The following PDE4B variants were observed in gnomAD, a reference collection of about 807,000 sequenced individuals.
PDE4B encodes the protein phosphodiesterase 4B.
Under a neutral mutation model 82.2 loss-of-function variants are expected in PDE4B, and 20 were observed. The ratio of observed to expected loss-of-function variants is 0.24; its 90% confidence interval spans 0.17 to 0.35. The LOEUF is 0.35. PDE4B is among the 10% of genes least tolerant of loss of function. The pLI, the probability that PDE4B is intolerant of heterozygous loss-of-function variation, is 1.00. For synonymous variants in PDE4B, 320 were observed against 318.9 expected (o/e 1.00, Z -0.04); for missense variants, 655 against 907.2 (o/e 0.72, Z 3.57).
intron 7 of PDE4B, among the ~76,000 whole-genome samples, chr1:66,277,975 A>G (rs578023679): frequency 6.6e-6 from 1 of 152,378 alleles, no homozygotes; most frequent in East Asian, 1.9e-4. Flanking sequence ...AACCTTCTGC[A>G]TAGAATTGTT....
At chr1:66,303,890 A>G (rs546796661) in intron 7 of PDE4B, among the ~76,000 whole-genome samples, 3 of 152,248 alleles carry the variant, frequency 2.0e-5, no homozygotes, top group African/African-American at 7.2e-5. Context: ...CAGTTTTGGG[A>G]AGAGACTTGA....
In PDE4B at chr1:65,922,990, A is replaced by G. The variant is rs145070779; in HGVS notation, c.281+4155A>G. ...CCCAATATTGACCACTGCCCTTTTG[A>G]GTATTCCCCCCAACCCCCTCCCCCA... On this transcript the variant is annotated intron_variant, in intron 3 of 16. Transcript: ENST00000341517. Among the ~76,000 whole-genome samples, 453 of 152,192 alleles carry G rather than the reference A, an allele frequency of 3.0e-3. 1 individual carries two copies. The highest frequency in any genetic ancestry group is 0.01 in the African/African-American group (418 of 41,526).
intron 7 of PDE4B, among the ~76,000 whole-genome samples, chr1:66,300,043 AAC>A (rs1243281211): frequency 4.6e-5 from 7 of 152,218 alleles, no homozygotes; most frequent in Admixed American, 6.5e-5. Context: ...CTATTGCACA[AAC>A]ACAGACATCT....
chr1:66,251,700 A>G (rs537177098), intron 4 of PDE4B, among the ~76,000 whole-genome samples: 5 of 152,250 alleles, frequency 3.3e-5, no homozygotes, highest in Admixed American at 2.6e-4. Context: ...CAGGCAGAGG[A>G]AGTGCAGGAG....
intron 3 of PDE4B, among the ~76,000 whole-genome samples, chr1:66,217,256 A>T (rs545305102): frequency 6.6e-6 from 1 of 152,206 alleles, no homozygotes; most frequent in South Asian, 2.1e-4. Context: ...AAGAAAAAAA[A>T]GTACATCTGG....
At chr1:66,292,561 C>T (rs1289111369) in intron 7 of PDE4B, among the ~76,000 whole-genome samples, 1 of 152,118 alleles carries the variant, frequency 6.6e-6, no homozygotes, top group Admixed American at 6.6e-5. Context: ...CAGAATAATG[C>T]ATATAAAGCA....
chr1:66,080,444 A>T (rs1486249902), intron 3 of PDE4B, among the ~76,000 whole-genome samples: 1 of 152,172 alleles, frequency 6.6e-6, no homozygotes, highest in Non-Finnish European at 1.5e-5. Context: ...GAAAAAAGGG[A>T]AAAGAAGAGA....
intron 7 of PDE4B, among the ~76,000 whole-genome samples, chr1:66,311,999 G>T (rs894042495): frequency 1.3e-5 from 2 of 152,208 alleles, no homozygotes; most frequent in African/African-American, 4.8e-5. Context: ...AACCTCTAGA[G>T]AAACACGGAT....
chr1:66,201,703 A>AT (rs201191253), intron 3 of PDE4B, among the ~76,000 whole-genome samples: 69,599 of 150,776 alleles, frequency 0.46, 16,257 homozygotes, highest in African/African-American at 0.53. Context: ...CCCCTTTGTC[A>AT]TTTTTTATTG....
intron 1 of PDE4B, among the ~76,000 whole-genome samples, chr1:65,847,463 G>A (rs1360703467): frequency 1.3e-5 from 2 of 152,216 alleles, no homozygotes; most frequent in African/African-American, 4.8e-5. Flanking sequence ...CAGATTGGAT[G>A]GCTGTGGCCT....
At chr1:66,354,319 C>A (rs2102000533) in intron 8 of PDE4B, 3 of 850,570 alleles carry the variant, frequency 3.5e-6, no homozygotes, top group South Asian at 1.1e-4. Flanking sequence ...TTAAGGAACA[C>A]CTAGTTGAAA....
chr1:66,156,248 T>C (rs1646498902), intron 3 of PDE4B, among the ~76,000 whole-genome samples: 1 of 152,200 alleles, frequency 6.6e-6, no homozygotes, highest in African/African-American at 2.4e-5. Context: ...ATGAACAATT[T>C]AATCCTTTTT....
chr1:66,180,352 A>G (rs1201508579), intron 3 of PDE4B, among the ~76,000 whole-genome samples: 2 of 152,236 alleles, frequency 1.3e-5, no homozygotes, highest in African/African-American at 4.8e-5. Flanking sequence ...TAGAATGTGA[A>G]TCAAGCTACG....
intron 1 of PDE4B, among the ~76,000 whole-genome samples, chr1:65,875,124 T>G (rs1049426906): frequency 1.3e-4 from 19 of 151,566 alleles, no homozygotes; most frequent in African/African-American, 4.1e-4. Flanking sequence ...AACAACCCCA[T>G]CAAAAAGTGG....
intron 3 of PDE4B, among the ~76,000 whole-genome samples, chr1:65,969,988 T>G (rs1273345687): frequency 2.0e-5 from 3 of 152,104 alleles, no homozygotes; most frequent in Non-Finnish European, 4.4e-5. Context: ...TCTCAAAAGT[T>G]CATTTAATAA....
At chr1:66,010,965 T>C (rs6682895) in intron 3 of PDE4B, among the ~76,000 whole-genome samples, 148,018 of 151,190 alleles carry the variant, frequency 0.98, 72,528 homozygotes, top group Middle Eastern at 1. Flanking sequence ...TGAAAAATTG[T>C]GGAGGAATAA....
Position 66,063,148 on chromosome 1 carries a change from G to A in PDE4B, c.281+144313G>A, listed in dbSNP as rs143107563. On this transcript the variant is annotated intron_variant, in intron 3 of 16. Coordinates refer to ENST00000341517, the MANE Select transcript of PDE4B (RefSeq NM_002600.4). ...ATTTGTTTCATGCCCTAGTAGTTTT[G>A]CCCAATGAGTAGTTTAAAAGACACT... is the stretch of plus-strand genomic sequence containing the variant. 3.6e-3 allele frequency among the ~76,000 whole-genome samples: 542 copies of A among 152,014 alleles called. 2 individuals carry two copies. Among genetic ancestry groups the A allele is most frequent in the African/African-American group, 0.012 (509 of 41,502 alleles).
At chr1:65,835,014 A>G (rs1463389241) in intron 1 of PDE4B, among the ~76,000 whole-genome samples, 1 of 152,206 alleles carries the variant, frequency 6.6e-6, no homozygotes, top group African/African-American at 2.4e-5. Context: ...TTTAACCTCC[A>G]TAAAGATACA....
At chr1:65,912,957 T>C (rs1036236205) in intron 1 of PDE4B, among the ~76,000 whole-genome samples, 1 of 152,190 alleles carries the variant, frequency 6.6e-6, no homozygotes, top group African/African-American at 2.4e-5. Flanking sequence ...TTGTGTAAAA[T>C]GCATGTTATT....
Sources: allele counts gnomAD v4.1 joint callset (sites outside exome capture counted in the v4.1 genomes callset), GRCh38; gene constraint gnomAD v4.1.1; transcripts MANE v1.5; gene names NCBI Gene and HGNC (gene_info 2026-07-23, HGNC 2026-07-21).